NKD1: variants seen among roughly 807,000 people sequenced by gnomAD.
NKD1 encodes NKD inhibitor of Wnt signaling pathway 1, also known as protein naked cuticle homolog 1.
NKD1 carries 21 observed loss-of-function variants against 56.0 expected under a neutral mutation model. The ratio of observed to expected loss-of-function variants is 0.38; its 90% CI spans 0.27 to 0.54. The LOEUF is 0.54. Ranked by LOEUF, NKD1 falls within the 20% of genes least tolerant of loss-of-function variation. The probability of loss-of-function intolerance (pLI) is 0.82; values close to 1 mark genes in which losing one functional copy is unlikely to be tolerated. For synonymous variants in NKD1, 263 were observed against 265.7 expected (o/e 0.99, Z 0.10); for missense variants, 578 against 642.7 (o/e 0.90, Z 1.09).
chr16:50,585,637 C>T (rs777096882), intron 3 of NKD1, among the ~76,000 whole-genome samples: 6 of 152,214 alleles, frequency 3.9e-5, no homozygotes, highest in Non-Finnish European at 5.9e-5. Context: ...GGGCCTTCCC[C>T]ACGCCCCAAG....
chr16:50,622,527 G>T (rs1187273336), intron 5 of NKD1, among the ~76,000 whole-genome samples: 1 of 152,142 alleles, frequency 6.6e-6, no homozygotes, highest in Non-Finnish European at 1.5e-5. Context: ...GACCACCAGG[G>T]CATAGCTCTA....
chr16:50,549,367 G>T (rs535461906), intron 2 of NKD1, 55 bp from the exon 3 acceptor site: 1 of 1,584,836 alleles, frequency 6.3e-7, no homozygotes. Context: ...CTCCGCGGGG[G>T]TAACTTTTGG....
chr16:50,643,418 T>G lies in NKD1; in HGVS notation c.*9637T>G, dbSNP rs2151283889. The G allele has an allele frequency of 6.6e-6, 1 of 152,408 alleles. No homozygotes were observed. The highest frequency in any genetic ancestry group is 2.1e-4 in the South Asian group (1 of 4,834). The allele number at this position is 152,408 out of a possible 1,614,324, so 9.4% of individuals were successfully genotyped here. Reference sequence around the variant, plus strand: ...GATACAGGTTGACAAAGACCAGTCCTACTCCGTTGTCTGCCATTACTCCAG... The same window carrying G: ...GATACAGGTTGACAAAGACCAGTCCGACTCCGTTGTCTGCCATTACTCCAG... On this transcript the variant is annotated 3_prime_UTR_variant, in exon 10 of 10. Coordinates refer to ENST00000268459, the MANE Select transcript of NKD1 (RefSeq NM_033119.5).
At chr16:50,550,057 A>G (rs1053629980) in intron 3 of NKD1, among the ~76,000 whole-genome samples, 1 of 152,012 alleles carries the variant, frequency 6.6e-6, no homozygotes, top group Non-Finnish European at 1.5e-5. Context: ...TAGCAGATCT[A>G]GGGGGACTGA....
At chr16:50,585,264 T>C (rs1367942810) in intron 3 of NKD1, among the ~76,000 whole-genome samples, 1 of 152,196 alleles carries the variant, frequency 6.6e-6, no homozygotes, top group Non-Finnish European at 1.5e-5. Context: ...TCATGGGTGC[T>C]TGTACTGATT....
intron 3 of NKD1, among the ~76,000 whole-genome samples, chr16:50,576,722 A>T (rs1272717567): frequency 6.7e-6 from 1 of 148,712 alleles, no homozygotes; most frequent in Non-Finnish European, 1.5e-5. Context: ...GCTTTTTACA[A>T]GTCAATCATA....
At chr16:50,582,179 G>T (rs1366524974) in intron 3 of NKD1, among the ~76,000 whole-genome samples, 1 of 152,194 alleles carries the variant, frequency 6.6e-6, no homozygotes, top group Admixed American at 6.5e-5. Context: ...GTCCATTAGA[G>T]TCAGTGGGCC....
chr16:50,559,086 G>C (rs1168003020), intron 3 of NKD1, among the ~76,000 whole-genome samples: 4 of 152,258 alleles, frequency 2.6e-5, no homozygotes, highest in African/African-American at 9.6e-5. Flanking sequence ...CTTGGGCCAA[G>C]TGATGGCTCA....
rs375061540 is a variant in NKD1, at chr16:50,632,330, G to A, written c.745G>A (p.Val249Ile). The A allele has an allele frequency of 2.4e-4, 387 of 1,614,052 alleles. No individual in the cohort carries two copies. Among genetic ancestry groups the A allele is most frequent in the Non-Finnish European group, 2.9e-4 (347 of 1,179,928 alleles). ...GCAGTCTGGCTGCTACCACCATTGC[G>A]TAGATGAGAACATCGAGAGGAGAAA... ...LEQSGCYHHC[V>I]DENIERRNHY... The change falls in exon 9 of 10, where the codon GTA becomes ATA. Residue 249 changes from valine (V) to isoleucine (I), a missense_variant. Physicochemically the swap from Val to Ile is conservative, Grantham distance 29 (BLOSUM62 3). Transcript: ENST00000268459. This position sits in a 1 kb window ranked among gnomAD's most constrained non-coding sequence, Gnocchi z 4.1.
intron 3 of NKD1, chr16:50,574,325 G>A (rs926430867): frequency 1.0e-6 from 1 of 985,296 alleles, no homozygotes; most frequent in African/African-American, 1.7e-5. Flanking sequence ...TCAGAACTGG[G>A]GGCTGAGGTG....
chr16:50,603,094 C>A (rs1335695941), intron 3 of NKD1, among the ~76,000 whole-genome samples: 1 of 152,246 alleles, frequency 6.6e-6, no homozygotes, highest in Non-Finnish European at 1.5e-5. Flanking sequence ...TCGCATCAGA[C>A]ACCATCCTAG....
chr16:50,628,018 A>C (rs1962261293), intron 6 of NKD1, among the ~76,000 whole-genome samples: 1 of 152,124 alleles, frequency 6.6e-6, no homozygotes, highest in South Asian at 2.1e-4. Flanking sequence ...AGGCACAAGG[A>C]GAGTCCTCTG....
Position 50,634,448 on chromosome 16 carries a change from C to G in NKD1, c.*667C>G, listed in dbSNP as rs534747297. 2 of 152,398 alleles carry G rather than the reference C, an allele frequency of 1.3e-5. No individual in the cohort carries two copies. Among genetic ancestry groups the G allele is most frequent in the Non-Finnish European group, 2.9e-5 (2 of 68,044 alleles). 9.4% of individuals were successfully genotyped at this position (152,398 alleles called of 1,614,324 possible). On this transcript the variant is annotated 3_prime_UTR_variant, in exon 10 of 10. Transcript: ENST00000268459. ...ACATGAAAATCCACTTCTCTTCCTT[C>G]TCCTTCTTCTCTCTCTACTTTACAG...
chr16:50,601,876 C>T (rs75389052), intron 3 of NKD1, among the ~76,000 whole-genome samples: 2,690 of 152,168 alleles, frequency 0.018, 31 homozygotes, highest in Non-Finnish European at 0.024. Context: ...TTCTGATGAC[C>T]CAGGCAAGGA....
chr16:50,560,831 T>TATCTATCTATCTATC (rs1354148330), intron 3 of NKD1, among the ~76,000 whole-genome samples: 1 of 151,668 alleles, frequency 6.6e-6, no homozygotes, highest in Non-Finnish European at 1.5e-5. Context: ...CCCATCTATC[T>TATCTATCTATCTATC]ATCTATCTAT....
At position 50,634,125 on chromosome 16, in the gene NKD1, C is replaced by A; in HGVS notation, c.*344C>A. On this transcript the variant is annotated 3_prime_UTR_variant, in exon 10 of 10. Transcript: ENST00000268459. Reference sequence around the variant, plus strand: ...GGGAGCCCTTAGCCTCAACTCTGCCCCACCCCAGCCTCTTCCAGGAGAGCA... The same window carrying A: ...GGGAGCCCTTAGCCTCAACTCTGCCACACCCCAGCCTCTTCCAGGAGAGCA... The A allele has an allele frequency of 4.7e-6, 1 of 210,872 alleles. No homozygotes were observed. 13.1% of individuals were successfully genotyped at this position (210,872 alleles called of 1,614,324 possible). A position where few individuals can be genotyped will look rare whatever the true frequency, so the allele number is the denominator to read the frequency against.
chr16:50,626,766 C>T (rs924496925), intron 6 of NKD1, among the ~76,000 whole-genome samples: 2 of 152,200 alleles, frequency 1.3e-5, no homozygotes, highest in Admixed American at 6.5e-5. Context: ...TGTCCCTCCC[C>T]GAGAGGACCC....
intron 3 of NKD1, among the ~76,000 whole-genome samples, chr16:50,564,177 G>A (rs112124455): frequency 0.023 from 3,479 of 152,342 alleles, 139 homozygotes; most frequent in African/African-American, 0.08. Flanking sequence ...CTGGCTGGCC[G>A]CAGCCATGGC....
At chr16:50,593,794 A>G (rs944298442) in intron 3 of NKD1, among the ~76,000 whole-genome samples, 2 of 152,184 alleles carry the variant, frequency 1.3e-5, no homozygotes, top group South Asian at 4.1e-4. Context: ...CAAATACTAC[A>G]TGGGACATAC....
Sources: gnomAD v4.1 joint callset for allele counts (sites outside exome capture counted in the v4.1 genomes callset) on GRCh38, gnomAD v4.1.1 for gene constraint, Gnocchi (gnomAD v3.1) non-coding constraint, MANE v1.5 for transcripts, NCBI Gene and HGNC (gene_info 2026-07-23, HGNC 2026-07-21) for gene names.